SEMA5B: variants seen among roughly 807,000 people sequenced by gnomAD.
The protein encoded by SEMA5B is semaphorin 5B.
In SEMA5B, 66 loss-of-function variants were observed where a neutral mutation model predicts 135.0. The observed-to-expected ratio is 0.49, with a 90% confidence interval of 0.40 to 0.60. SEMA5B has a LOEUF of 0.60. Among genes scored for constraint, SEMA5B ranks in the 20% least tolerant of loss-of-function variants. The pLI, the probability that SEMA5B is intolerant of heterozygous loss-of-function variation, is 0.00. For synonymous variants in SEMA5B, 690 were observed against 639.5 expected (o/e 1.08, Z -1.19); for missense variants, 1,501 against 1,566.3 (o/e 0.96, Z 0.70).
rs1244037939 is a variant in SEMA5B at position 122,943,442 on chromosome 3, C to G, written c.422G>C (p.Gly141Ala). Residue 141 changes from glycine to alanine, a missense_variant, in exon 4 of 23, where the codon GGA becomes GCA. This residue lies in a region of SEMA5B where 574 missense variants were observed against 684.7 expected (regional missense o/e 0.84). Transcript: ENST00000357599. ...CCCTTCTGCCCCTTGTTACCTGGCT[C>G]CCACGATGAGCTGGTTCCCGGAGGG... ...LDPSGNQLIVGARNYLFRLSL... is the reference protein window; with the variant it reads ...LDPSGNQLIVAARNYLFRLSL... 1 of 1,601,846 alleles carries G rather than the reference C, an allele frequency of 6.2e-7. No individual in the cohort carries two copies. The highest frequency in any genetic ancestry group is 8.5e-7 in the Non-Finnish European group (1 of 1,174,842).
chr3:122,949,978 GC>G (rs1360051364), intron 2 of SEMA5B, among the ~76,000 whole-genome samples: 1 of 152,146 alleles, frequency 6.6e-6, no homozygotes, highest in African/African-American at 2.4e-5. Context: ...TGCTTAGCTG[GC>G]TTTGCATCTA....
At position 122,948,375 on chromosome 3, in the gene SEMA5B, C is replaced by T. The variant is rs539934129; in HGVS notation, c.328+131G>A. On this transcript the variant is annotated intron_variant, in intron 3 of 22. Transcript: ENST00000357599. ...CACCAGAGGAAGAGTCTCAGGACCC[C>T]GGGACGGGACCCAGCAGTTAATGAA... The T allele has an allele frequency of 1.8e-3, 1,226 of 697,070 alleles. 5 individuals are homozygous for T. Among genetic ancestry groups the T allele is most frequent in the South Asian group, 2.7e-3 (88 of 32,492 alleles). The allele number at this position is 697,070 out of a possible 1,614,324, so 43.2% of individuals were successfully genotyped here. A position where few individuals can be genotyped will look rare whatever the true frequency, so the allele number is the denominator to read the frequency against.
At chr3:122,910,624 A>G (rs1437709496) in intron 22 of SEMA5B, among the ~76,000 whole-genome samples, 1 of 151,726 alleles carries the variant, frequency 6.6e-6, no homozygotes, top group East Asian at 1.9e-4. Flanking sequence ...CCCGGCTAAA[A>G]ACGGTGAAAC....
chr3:122,978,230 C>G (rs75722615), intron 1 of SEMA5B, among the ~76,000 whole-genome samples: 1,823 of 152,354 alleles, frequency 0.012, 38 homozygotes, highest in African/African-American at 0.041. Context: ...CTTCTCTGTC[C>G]CATGCGAGTC....
chr3:122,910,683 G>A (rs1054550171), intron 22 of SEMA5B, among the ~76,000 whole-genome samples, 157 bp downstream of exon 22: 9 of 151,370 alleles, frequency 5.9e-5, no homozygotes, highest in Admixed American at 2.0e-4. Context: ...AGTGGCGGGC[G>A]CCTGTAGTCC....
intron 1 of SEMA5B, among the ~76,000 whole-genome samples, chr3:122,978,571 G>C (rs1941413104): frequency 6.6e-6 from 1 of 152,016 alleles, no homozygotes; most frequent in African/African-American, 2.4e-5. Flanking sequence ...GAGAATGACA[G>C]GGTCTGGGCA....
In SEMA5B at chr3:122,915,888, G is replaced by T. The variant is rs773652643; in HGVS notation, c.1691C>A (p.Ala564Glu). The change falls in exon 13 of 23, where the codon GCA (alanine) becomes GAA (glutamate). Residue 564 changes from alanine to glutamate, a missense_variant and splice_region_variant. This residue lies in a region of SEMA5B where 927 missense variants were observed against 881.6 expected (regional missense o/e 1.05). Coordinates refer to ENST00000357599, the MANE Select transcript of SEMA5B (RefSeq NM_001031702.4). ...ERCAAYRSQGACLGARDPYCG... is the reference protein window; with the variant it reads ...ERCAAYRSQGECLGARDPYCG... ...GTACGGGTCCCGGGCCCCCAGGCAT[G>T]CCCTGCCAGACAGACGTCCTGAGAT... 5.0e-6 allele frequency: 8 copies of T among 1,613,508 alleles called. No individual in the cohort carries two copies. In the South Asian group the frequency reaches 8.8e-5, roughly 18 times the overall value.
intron 1 of SEMA5B, among the ~76,000 whole-genome samples, chr3:122,985,071 TTC>T (rs1443407381): frequency 6.6e-6 from 1 of 152,238 alleles, no homozygotes; most frequent in East Asian, 1.9e-4. Flanking sequence ...CATCAATCTT[TTC>T]GTCTGCATAT....
chr3:122,931,693 C>A (rs570624559), intron 5 of SEMA5B, among the ~76,000 whole-genome samples: 1 of 152,308 alleles, frequency 6.6e-6, no homozygotes, highest in Admixed American at 6.5e-5. Flanking sequence ...GAGAATCATT[C>A]TTTGAACTAC....
Position 122,966,704 on chromosome 3 carries a change from G to A in SEMA5B, c.-38-5403C>T, listed in dbSNP as rs57025485. The stretch of plus-strand genomic sequence containing the variant: ...CAAGTAGCTGGGACTACAGGCCCCC[G>A]CCACCGCGCCCAGCTAATTTTTTGT... On this transcript the variant is annotated intron_variant, in intron 1 of 22. Transcript: ENST00000357599. Among the ~76,000 whole-genome samples, 1,022 of 150,370 alleles carry A rather than the reference G, an allele frequency of 6.8e-3. 8 individuals carry two copies. The highest frequency in any genetic ancestry group is 0.016 in the African/African-American group (651 of 41,078).
chr3:123,003,563 G>A (rs938975683), intron 1 of SEMA5B, among the ~76,000 whole-genome samples: 4 of 152,136 alleles, frequency 2.6e-5, no homozygotes, highest in Non-Finnish European at 5.9e-5. Context: ...GGCCAGGTGC[G>A]GTGGCTCATG....
At position 122,912,980 on chromosome 3, in the gene SEMA5B, G is replaced by A; in HGVS notation, c.2588C>T (p.Ser863Leu). The A allele has an allele frequency of 3.7e-6, 6 of 1,610,672 alleles. No individual in the cohort carries two copies. Among genetic ancestry groups the A allele is most frequent in the Non-Finnish European group, 5.1e-6 (6 of 1,178,686 alleles). Residue 863 changes from serine (S) to leucine (L), a missense_variant, in exon 18 of 23, where the codon TCG (serine) becomes TTG (leucine). Physicochemically the swap from Ser to Leu is moderately radical, Grantham distance 145. Coordinates refer to ENST00000357599, the MANE Select transcript of SEMA5B (RefSeq NM_001031702.4). ...CAGCTCGCAGTCCCGGGAGCAGGAC[G>A]ACCACGGGCCCCAGGCGGCCCAGCC... ...SGGWAAWGPW[S>L]SCSRDCELGF...
At chr3:122,986,257 G>A (rs2107699543) in intron 1 of SEMA5B, among the ~76,000 whole-genome samples, 1 of 152,332 alleles carries the variant, frequency 6.6e-6, no homozygotes, top group Non-Finnish European at 1.5e-5. Context: ...TGAAAGGACA[G>A]GTGCTTTGAT....
In SEMA5B at chr3:122,911,050, G is replaced by A. The variant is rs377268028; in HGVS notation, c.3092-5C>T. ...CCAAGTGGATGAGATTGAACCCTAG[G>A]GGAAGAGAGGCAGGTAGTAAGATGA... On this transcript the variant is annotated splice_region_variant and splice_polypyrimidine_tract_variant and intron_variant, in intron 21 of 22. Coordinates refer to ENST00000357599, the MANE Select transcript of SEMA5B (RefSeq NM_001031702.4). 6.2e-7 allele frequency: 1 copy of A among 1,607,856 alleles called. No homozygotes were observed. Among genetic ancestry groups the A allele is most frequent in the African/African-American group, 1.3e-5 (1 of 74,756 alleles).
intron 2 of SEMA5B, among the ~76,000 whole-genome samples, chr3:122,952,124 C>T (rs1219552043): frequency 6.6e-6 from 1 of 152,176 alleles, no homozygotes; most frequent in Non-Finnish European, 1.5e-5. Context: ...TACTTTGCTC[C>T]TCCCCAGAAG....
intron 1 of SEMA5B, among the ~76,000 whole-genome samples, chr3:123,013,528 T>C (rs915783772): frequency 7.9e-5 from 12 of 152,148 alleles, no homozygotes; most frequent in Non-Finnish European, 5.9e-5. Flanking sequence ...AAACTGAGCC[T>C]TGGAGAGGAG....
chr3:123,022,835 C>T (rs1338291590), intron 1 of SEMA5B, among the ~76,000 whole-genome samples: 1 of 152,234 alleles, frequency 6.6e-6, no homozygotes, highest in Non-Finnish European at 1.5e-5. Flanking sequence ...ACACAACATT[C>T]AGCACCCTTC....
chr3:122,996,965 C>T (rs2120806), intron 1 of SEMA5B, among the ~76,000 whole-genome samples: 25,774 of 152,202 alleles, frequency 0.17, 3,713 homozygotes, highest in African/African-American at 0.4. Flanking sequence ...CCCTTGGGTT[C>T]TTTACTTGCC....
intron 1 of SEMA5B, among the ~76,000 whole-genome samples, chr3:123,006,783 C>T (rs79722240): frequency 0.048 from 7,239 of 152,086 alleles, 470 homozygotes; most frequent in African/African-American, 0.15. Flanking sequence ...TACCACCCTC[C>T]CCCCATCTAT....
Sources: allele counts gnomAD v4.1 joint callset (sites outside exome capture counted in the v4.1 genomes callset), GRCh38; gene constraint gnomAD v4.1.1; regional missense constraint gnomAD v4.1.1; transcripts MANE v1.5; gene names NCBI Gene and HGNC (gene_info 2026-07-23, HGNC 2026-07-21).